The following STS variants were observed in gnomAD, a reference collection of about 807,000 sequenced individuals.
STS encodes steryl-sulfatase.
A neutral mutation model predicts 26.8 loss-of-function variants in STS; 7 were observed. That is an observed-to-expected ratio of 0.26 (90% CI 0.15 to 0.49). The LOEUF (loss-of-function observed/expected upper bound fraction) is 0.49, where lower values mean the gene tolerates loss of function less well. Among genes scored for constraint, STS ranks in the 20% least tolerant of loss-of-function variants. The pLI is 0.98. For synonymous variants in STS, 199 were observed against 189.4 expected, an observed-to-expected ratio of 1.05 and a Z score of -0.42; for missense variants, 434 against 465.6, an observed-to-expected ratio of 0.93 and a Z score of 0.63.
intron 2 of STS, among the ~76,000 whole-genome samples, chrX:7,205,704 G>C (rs1934208861): frequency 2.9e-5 from 3 of 102,541 alleles, no homozygotes; most frequent in African/African-American, 1.1e-4. Context: ...CCTGGCTGGA[G>C]TGCAGTGATG....
At chrX:7,335,012 G>A (rs1040061619) in intron 10 of STS, among the ~76,000 whole-genome samples, 10 of 112,322 alleles carry the variant, frequency 8.9e-5, no homozygotes, top group Non-Finnish European at 1.9e-4. Flanking sequence ...TATCATTGTT[G>A]GACAATTGGG....
At chrX:7,258,105 CATA>C (rs1923524911) in intron 5 of STS, among the ~76,000 whole-genome samples, 1 of 92,669 alleles carries the variant, frequency 1.1e-5, no homozygotes, top group Admixed American at 1.2e-4. Context: ...GAAAAACAGA[CATA>C]GATAGATAGA....
rs749880012 is a variant in STS, at chrX:7,298,332, C to T, written c.944-6714C>T. ...TTTTATACTGTAGATAAATCATATG[C>T]TTTCCAATGTCTGATCTGAAGGGTC... On this transcript the variant is annotated intron_variant, in intron 7 of 10. Coordinates refer to ENST00000674429, the MANE Select transcript of STS (RefSeq NM_001320752.2). Among the ~76,000 whole-genome samples the T allele has an allele frequency of 2.5e-4, 28 of 111,733 alleles. 1 individual carries two copies. Among genetic ancestry groups the T allele is most frequent in the Non-Finnish European group, 4.9e-4 (26 of 53,120 alleles).
intron 1 of STS, among the ~76,000 whole-genome samples, chrX:7,155,922 G>GT (rs1208668334): frequency 8.9e-6 from 1 of 111,788 alleles, no homozygotes; most frequent in Non-Finnish European, 1.9e-5. Flanking sequence ...GCTGAGGCAG[G>GT]TGGAATGCTT....
At chrX:7,244,470 G>C (rs1297166649) in intron 2 of STS, among the ~76,000 whole-genome samples, 1 of 111,717 alleles carries the variant, frequency 9.0e-6, no homozygotes, top group African/African-American at 3.3e-5. Flanking sequence ...GGTAGATGCC[G>C]ATCTGCCTAC....
chrX:7,327,330 T>G (rs1927525584), intron 9 of STS, among the ~76,000 whole-genome samples: 1 of 109,493 alleles, frequency 9.1e-6, no homozygotes, highest in Non-Finnish European at 1.9e-5. Flanking sequence ...TGGCTAAGAG[T>G]GGAGATTCTA....
chrX:7,325,613 C>A, intron 9 of STS, 115 bp downstream of exon 9: 1 of 894,550 alleles, frequency 1.1e-6, no homozygotes, highest in Non-Finnish European at 1.6e-6. Flanking sequence ...CTGGAGTTTT[C>A]CTGAAAATCA....
chrX:7,348,109 C>A (rs1363291973), intron 10 of STS, among the ~76,000 whole-genome samples: 1 of 111,280 alleles, frequency 9.0e-6, no homozygotes, highest in Non-Finnish European at 1.9e-5. Context: ...AGACTGCAGT[C>A]GTCTCATTAT....
At chrX:7,319,430 G>A (rs1172151862) in intron 8 of STS, among the ~76,000 whole-genome samples, 2 of 110,274 alleles carry the variant, frequency 1.8e-5, no homozygotes, top group African/African-American at 6.6e-5. Context: ...CAAAGTGCTG[G>A]AATTACAGAC....
intron 1 of STS, among the ~76,000 whole-genome samples, chrX:7,148,536 G>A (rs1188931210): frequency 3.5e-5 from 4 of 112,687 alleles, no homozygotes; most frequent in East Asian, 2.8e-4. Context: ...TGGGGAAAGG[G>A]GATTGAAGAT....
At chrX:7,253,392 C>T (rs1454276700) in intron 3 of STS, 56 bp downstream of exon 3, 9 of 1,193,617 alleles carry the variant, frequency 7.5e-6, no homozygotes, top group African/African-American at 3.5e-5. Context: ...CAACAGTCCC[C>T]GGGATGGTTA....
At chrX:7,187,767 G>A (rs182483053) in intron 1 of STS, among the ~76,000 whole-genome samples, 1 of 111,716 alleles carries the variant, frequency 9.0e-6, no homozygotes, top group African/African-American at 3.3e-5. Context: ...ACAACAAAAT[G>A]GGCATTACAA....
chrX:7,193,394 G>A (rs1933913152), intron 2 of STS, among the ~76,000 whole-genome samples: 1 of 108,911 alleles, frequency 9.2e-6, no homozygotes, highest in African/African-American at 3.3e-5. Flanking sequence ...TGTTGTTGTT[G>A]TTGTTTATTT....
At chrX:7,248,769 GTT>G (rs1923006205) in intron 2 of STS, among the ~76,000 whole-genome samples, 1 of 110,960 alleles carries the variant, frequency 9.0e-6, no homozygotes, top group Non-Finnish European at 1.9e-5. Context: ...CATTAAGTAT[GTT>G]CACACTGTTT....
intron 2 of STS, among the ~76,000 whole-genome samples, chrX:7,214,323 C>G (rs189758723): frequency 9.3e-4 from 104 of 111,517 alleles, no homozygotes; most frequent in African/African-American, 3.2e-3. Context: ...CCTAACTTTT[C>G]CATAAAACCA....
At chrX:7,219,026 C>A (rs1187352867) in intron 2 of STS, among the ~76,000 whole-genome samples, 1 of 112,175 alleles carries the variant, frequency 8.9e-6, no homozygotes, top group African/African-American at 3.2e-5. Context: ...GTTAGCAAAC[C>A]TGGGCTTTCC....
chrX:7,257,703 C>T, intron 5 of STS, 115 bp downstream of exon 5: 2 of 988,880 alleles, frequency 2.0e-6, no homozygotes, highest in Non-Finnish European at 2.8e-6. Flanking sequence ...TTAGGGATGA[C>T]TTTGCTGGTA....
At chrX:7,336,450 C>G (rs1171819650) in intron 10 of STS, among the ~76,000 whole-genome samples, 1 of 112,022 alleles carries the variant, frequency 8.9e-6, no homozygotes, top group Admixed American at 9.5e-5. Context: ...CTATTAGCCA[C>G]AGAAATCACA....
chrX:7,343,202 A>T, intron 10 of STS, among the ~76,000 whole-genome samples: 1 of 112,059 alleles, frequency 8.9e-6, no homozygotes. Flanking sequence ...AAATCTCGCC[A>T]AAACTACCAG....
Sources: allele counts gnomAD v4.1 joint callset (sites outside exome capture counted in the v4.1 genomes callset), GRCh38; gene constraint gnomAD v4.1.1; transcripts MANE v1.5; gene names NCBI Gene and HGNC (gene_info 2026-07-23, HGNC 2026-07-21).